Variants in NELL2 observed in about 807,000 individuals in gnomAD.
NELL2 encodes the protein neural EGFL like 2, also known as protein kinase C-binding protein NELL2.
A neutral mutation model predicts 109.6 loss-of-function variants in NELL2; 41 were observed. That is an observed-to-expected ratio of 0.37 (90% CI 0.29 to 0.49). The LOEUF is 0.49. Among genes scored for constraint, NELL2 ranks in the 20% least tolerant of loss-of-function variants. NELL2 has a pLI of 0.98. For synonymous variants in NELL2, 355 were observed against 344.7 expected (o/e 1.03, Z -0.33); for missense variants, 900 against 1,008.3 (o/e 0.89, Z 1.45).
intron 3 of NELL2, among the ~76,000 whole-genome samples, chr12:44,810,562 T>C (rs1321889216): frequency 2.0e-5 from 3 of 152,158 alleles, no homozygotes; most frequent in Non-Finnish European, 4.4e-5. Context: ...AGCCCTGTTT[T>C]GTAGCATCTG....
intron 15 of NELL2, among the ~76,000 whole-genome samples, chr12:44,541,260 A>G (rs1211874774): frequency 6.7e-6 from 1 of 150,310 alleles, no homozygotes; most frequent in Non-Finnish European, 1.5e-5. Flanking sequence ...CAAAAAAAAA[A>G]AAAAAAGAAA....
intron 2 of NELL2, among the ~76,000 whole-genome samples, chr12:44,867,208 G>T (rs1945026025): frequency 6.6e-6 from 1 of 152,060 alleles, no homozygotes; most frequent in African/African-American, 2.4e-5. Flanking sequence ...TATTGCTGAC[G>T]AACAGAGATG....
At chr12:44,718,706 T>C (rs1318352407) in intron 9 of NELL2, among the ~76,000 whole-genome samples, 1 of 152,178 alleles carries the variant, frequency 6.6e-6, no homozygotes, top group Non-Finnish European at 1.5e-5. Flanking sequence ...TCTAGGGAGA[T>C]GTACTTAATT....
chr12:44,575,742 T>C (rs777283500), intron 15 of NELL2, among the ~76,000 whole-genome samples: 80 of 152,242 alleles, frequency 5.3e-4, no homozygotes, highest in Non-Finnish European at 9.7e-4. Flanking sequence ...ATCTTCATTA[T>C]TATCACAGTT....
chr12:44,675,926 C>T (rs1948300010), intron 12 of NELL2, among the ~76,000 whole-genome samples: 1 of 152,094 alleles, frequency 6.6e-6, no homozygotes, highest in African/African-American at 2.4e-5. Flanking sequence ...GCAGTGAGCA[C>T]TCAGGCATGA....
At chr12:44,813,036 G>C (rs1669164090) in intron 3 of NELL2, among the ~76,000 whole-genome samples, 1 of 152,102 alleles carries the variant, frequency 6.6e-6, no homozygotes, top group Non-Finnish European at 1.5e-5. Flanking sequence ...AGAGGTTTGT[G>C]AATTTTTATA....
chr12:44,558,386 C>T (rs1433717195), intron 15 of NELL2, among the ~76,000 whole-genome samples: 1 of 152,214 alleles, frequency 6.6e-6, no homozygotes, highest in Non-Finnish European at 1.5e-5. Flanking sequence ...CAAATAGGAA[C>T]AGCTCTGGTC....
chr12:44,617,911 C>G (rs1945899661), intron 13 of NELL2, among the ~76,000 whole-genome samples: 1 of 151,984 alleles, frequency 6.6e-6, no homozygotes, highest in African/African-American at 2.4e-5. Flanking sequence ...AGTGTTTGTT[C>G]TCCTCACAAT....
chr12:44,791,183 CATATAT>C (rs748283455), intron 3 of NELL2, among the ~76,000 whole-genome samples: 324 of 15,056 alleles, frequency 0.022, 2 homozygotes, highest in Non-Finnish European at 0.024. Flanking sequence ...AGTATTCCAT[CATATAT>C]ATATATATAT....
intron 15 of NELL2, among the ~76,000 whole-genome samples, chr12:44,559,090 T>G (rs1042643858): frequency 2.2e-4 from 33 of 152,030 alleles, no homozygotes; most frequent in African/African-American, 8.0e-4. Context: ...GCTTCATGAG[T>G]GAAGGAGAAA....
intron 2 of NELL2, among the ~76,000 whole-genome samples, chr12:44,846,786 G>C (rs1182214908): frequency 2.6e-5 from 4 of 152,206 alleles, no homozygotes; most frequent in African/African-American, 9.6e-5. Context: ...AATTTATTAA[G>C]TTGTCCAAAT....
chr12:44,698,029 TCTTCATGTTCACCTGATAA>T (rs1227785992), intron 12 of NELL2, among the ~76,000 whole-genome samples: 1 of 152,192 alleles, frequency 6.6e-6, no homozygotes, highest in African/African-American at 2.4e-5. Flanking sequence ...CTGATCTCTG[TCTTCATGTTCACCTGATAA>T]CTTCATGTTC....
chr12:44,627,766 T>C (rs953800232), intron 13 of NELL2, among the ~76,000 whole-genome samples: 1 of 152,158 alleles, frequency 6.6e-6, no homozygotes, highest in Admixed American at 6.5e-5. Flanking sequence ...AGCTTAGACA[T>C]AGTAATAACA....
chr12:44,557,165 C>T (rs1221135433), intron 15 of NELL2, among the ~76,000 whole-genome samples: 1 of 152,130 alleles, frequency 6.6e-6, no homozygotes, highest in African/African-American at 2.4e-5. Context: ...AACCAGGGCC[C>T]CCCACCTCTG....
chr12:44,749,012 T>C (rs1291678372), intron 9 of NELL2, among the ~76,000 whole-genome samples: 1 of 152,158 alleles, frequency 6.6e-6, no homozygotes, highest in African/African-American at 2.4e-5. Context: ...TAAATTAATA[T>C]CACTCATGCC....
intron 9 of NELL2, among the ~76,000 whole-genome samples, chr12:44,723,984 T>C (rs1399535686): frequency 6.6e-6 from 1 of 151,894 alleles, no homozygotes; most frequent in Non-Finnish European, 1.5e-5. Flanking sequence ...GGACATGGAA[T>C]CAACCTAACT....
At chr12:44,643,314 T>C (rs1200137284) in intron 13 of NELL2, among the ~76,000 whole-genome samples, 2 of 152,172 alleles carry the variant, frequency 1.3e-5, no homozygotes, top group Non-Finnish European at 2.9e-5. Flanking sequence ...TACAATACCA[T>C]TCTAAATTAT....
chr12:44,522,513 TACTA>T (rs1388478489), intron 17 of NELL2, among the ~76,000 whole-genome samples: 4 of 152,184 alleles, frequency 2.6e-5, no homozygotes, highest in South Asian at 2.1e-4. Flanking sequence ...GTAAGTTGCA[TACTA>T]ACTAAATTTT....
chr12:44,633,516 A>G (rs1010630058), intron 13 of NELL2, among the ~76,000 whole-genome samples: 2 of 152,098 alleles, frequency 1.3e-5, no homozygotes, highest in African/African-American at 2.4e-5. Context: ...ATATACAAAC[A>G]AACATTTACT....
Sources: gnomAD v4.1 joint callset for allele counts (sites outside exome capture counted in the v4.1 genomes callset) on GRCh38, gnomAD v4.1.1 for gene constraint, MANE v1.5 for transcripts, NCBI Gene and HGNC (gene_info 2026-07-23, HGNC 2026-07-21) for gene names.